LANCL1: variants seen among roughly 807,000 people sequenced by gnomAD.
LANCL1 encodes the protein glutathione S-transferase LANCL1.
LANCL1 carries 50 observed loss-of-function variants against 50.6 expected under a neutral mutation model. The observed-to-expected ratio is 0.99, with a 90% CI of 0.79 to 1.25. The LOEUF (loss-of-function observed/expected upper bound fraction) is 1.25, where lower values mean the gene tolerates loss of function less well. LANCL1 is among the 50% of genes most tolerant of loss of function. The pLI, the probability that LANCL1 is intolerant of heterozygous loss-of-function variation, is 0.00. For missense variants in LANCL1, 532 were observed against 480.7 expected, an observed-to-expected ratio of 1.11 and a Z score of -1.00; for synonymous variants, 188 against 178.6, an observed-to-expected ratio of 1.05 and a Z score of -0.42.
chr2:210,474,665 G>A (rs1227007546), intron 2 of LANCL1, among the ~76,000 whole-genome samples: 1 of 151,992 alleles, frequency 6.6e-6, no homozygotes, highest in Non-Finnish European at 1.5e-5. Context: ...GGCAGAAGTT[G>A]CAGTGAGCCA....
At chr2:210,447,198 A>G (rs1439613892) in intron 4 of LANCL1, among the ~76,000 whole-genome samples, 1 of 152,228 alleles carries the variant, frequency 6.6e-6, no homozygotes, top group African/African-American at 2.4e-5. Flanking sequence ...GCCAATATTC[A>G]ACATTCTTAA....
At chr2:210,455,429 G>T (rs1266060212) in intron 3 of LANCL1, 115 bp from the exon 4 acceptor site, 2 of 818,932 alleles carry the variant, frequency 2.4e-6, no homozygotes, top group Non-Finnish European at 3.8e-6. Flanking sequence ...ATTTATTAAT[G>T]ATCTGGAAGT....
chr2:210,465,153 C>T (rs1039957063), intron 3 of LANCL1, among the ~76,000 whole-genome samples: 2 of 152,212 alleles, frequency 1.3e-5, no homozygotes, highest in East Asian at 3.8e-4. Flanking sequence ...AGTGTTGCTC[C>T]ACTTAAAATA....
At chr2:210,447,957 A>C (rs569765635) in intron 4 of LANCL1, among the ~76,000 whole-genome samples, 109 of 152,252 alleles carry the variant, frequency 7.2e-4, no homozygotes, top group Non-Finnish European at 1.4e-3. Context: ...CAAGCAGAAA[A>C]TTAACAAGGA....
At chr2:210,462,934 T>C (rs567975862) in intron 3 of LANCL1, among the ~76,000 whole-genome samples, 6 of 152,330 alleles carry the variant, frequency 3.9e-5, no homozygotes, top group South Asian at 4.1e-4. Context: ...GAGTATCATG[T>C]CATTGTTCAA....
chr2:210,439,758 T>G (rs887391008), intron 6 of LANCL1, among the ~76,000 whole-genome samples: 2 of 152,162 alleles, frequency 1.3e-5, no homozygotes, highest in Non-Finnish European at 2.9e-5. Context: ...TCTTGTATTA[T>G]AAGAGCCAGC....
At chr2:210,441,475 T>G in intron 4 of LANCL1, 32 bp from the exon 5 acceptor site, 8 of 1,583,320 alleles carry the variant, frequency 5.1e-6, no homozygotes, top group Non-Finnish European at 6.9e-6. Flanking sequence ...CCAAATAATT[T>G]GAAAGGAACC....
At chr2:210,475,540 A>G (rs956249240) in intron 2 of LANCL1, among the ~76,000 whole-genome samples, 6 of 152,118 alleles carry the variant, frequency 3.9e-5, no homozygotes, top group African/African-American at 1.4e-4. Context: ...GCTGTGTTGC[A>G]CAGGCTGGTC....
chr2:210,452,218 C>A (rs1693531008), intron 4 of LANCL1, among the ~76,000 whole-genome samples: 1 of 150,484 alleles, frequency 6.6e-6, no homozygotes. Flanking sequence ...TTTTTAAATC[C>A]CTTTTCTGCT....
chr2:210,476,486 C>T lies in LANCL1; in HGVS notation c.-16-74G>A, dbSNP rs1047863829. On this transcript the variant is annotated intron_variant, in intron 1 of 9. Coordinates refer to ENST00000450366, the MANE Select transcript of LANCL1 (RefSeq NM_006055.3). ...CCGAGTTGCGAGGGCGGCGGCGGCGCCCAGGTATCCCCCTTCCTCCAGCTC... is the reference window on the plus strand; with the variant it reads ...CCGAGTTGCGAGGGCGGCGGCGGCGTCCAGGTATCCCCCTTCCTCCAGCTC... 2.5e-5 allele frequency: 37 copies of T among 1,469,438 alleles called. No individual in the cohort carries two copies. In the East Asian group the frequency reaches 7.9e-4, roughly 31 times the overall value. The allele number at this position is 1,469,438 out of a possible 1,614,324, so 91.0% of individuals were successfully genotyped here. A position where few individuals can be genotyped will look rare whatever the true frequency, so the allele number is the denominator to read the frequency against.
Position 210,433,512 on chromosome 2 carries a change from A to AATTG in LANCL1, c.*971_*974dup, listed in dbSNP as rs373159822. ...TAGTGAAAAGACCAAAGTTCAGATA[A>AATTG]ATTGATAGGAAGGAAAATATTTTAT... On this transcript the variant is annotated 3_prime_UTR_variant, in exon 10 of 10. Coordinates refer to ENST00000450366, the MANE Select transcript of LANCL1 (RefSeq NM_006055.3). The AATTG allele has an allele frequency of 6.6e-6, 1 of 152,296 alleles. No homozygotes were observed. The highest frequency in any genetic ancestry group is 2.4e-5 in the African/African-American group (1 of 41,562). The allele number at this position is 152,296 out of a possible 1,614,324, so 9.4% of individuals were successfully genotyped here.
chr2:210,437,509 G>A (rs1230940758), intron 7 of LANCL1, among the ~76,000 whole-genome samples, 181 bp downstream of exon 7: 1 of 152,142 alleles, frequency 6.6e-6, no homozygotes, highest in Non-Finnish European at 1.5e-5. Context: ...AGTAGGATAT[G>A]AAACAATGGC....
At chr2:210,440,489 G>T in intron 6 of LANCL1, 109 bp downstream of exon 6, 2 of 1,021,096 alleles carry the variant, frequency 2.0e-6, no homozygotes, top group Non-Finnish European at 2.8e-6. Flanking sequence ...GTACTGTAAT[G>T]CAGTGGTTGA....
chr2:210,476,101 TTA>T (rs1431676988), intron 2 of LANCL1, among the ~76,000 whole-genome samples: 2 of 152,258 alleles, frequency 1.3e-5, no homozygotes, highest in Non-Finnish European at 2.9e-5. Flanking sequence ...ATAATTGAGT[TTA>T]TTTCAATTAA....
chr2:210,452,207 A>G (rs116757593), intron 4 of LANCL1, among the ~76,000 whole-genome samples: 2,194 of 151,518 alleles, frequency 0.014, 46 homozygotes, highest in African/African-American at 0.048. Context: ...CACAATAAAT[A>G]TTTTTAAATC....
chr2:210,447,062 G>C (rs1420245976), intron 4 of LANCL1, among the ~76,000 whole-genome samples: 5 of 152,114 alleles, frequency 3.3e-5, no homozygotes, highest in African/African-American at 1.2e-4. Flanking sequence ...GATTCACCAA[G>C]GCTGAAATGA....
intron 3 of LANCL1, chr2:210,471,570 T>C (rs570004864): frequency 1.1e-5 from 5 of 462,916 alleles, no homozygotes; most frequent in South Asian, 6.2e-5. Context: ...CTTCTGGACA[T>C]ATTTTATTCC....
chr2:210,435,249 C>T (rs530252529), intron 9 of LANCL1, 138 bp downstream of exon 9: 50 of 645,998 alleles, frequency 7.7e-5, no homozygotes, highest in Admixed American at 6.7e-4. Context: ...TTTTTAATAT[C>T]GATTTAGCAT....
chr2:210,435,783 C>G (rs757013308), intron 8 of LANCL1, among the ~76,000 whole-genome samples: 14 of 150,920 alleles, frequency 9.3e-5, no homozygotes, highest in Non-Finnish European at 1.9e-4. Context: ...AAAGGCTTTT[C>G]AAGGTTTTCC....
Sources: gnomAD v4.1 joint callset for allele counts (sites outside exome capture counted in the v4.1 genomes callset) on GRCh38, gnomAD v4.1.1 for gene constraint, MANE v1.5 for transcripts, NCBI Gene and HGNC (gene_info 2026-07-23, HGNC 2026-07-21) for gene names.